The following SPON1 variants were observed in gnomAD, a reference collection of about 807,000 sequenced individuals.
SPON1 encodes spondin-1.
A neutral mutation model predicts 111.7 loss-of-function variants in SPON1; 52 were observed. The ratio of observed to expected loss-of-function variants is 0.47; its 90% CI spans 0.37 to 0.59. SPON1 has a LOEUF of 0.59. Ranked by LOEUF, SPON1 falls within the 20% of genes least tolerant of loss-of-function variation. SPON1 has a pLI of 0.00. For missense variants in SPON1, 957 were observed against 1,068.5 expected, an observed-to-expected ratio of 0.90 and a Z score of 1.46; for synonymous variants, 410 against 395.8, an observed-to-expected ratio of 1.04 and a Z score of -0.43.
chr11:13,986,140 A>T (rs1350850867), intron 2 of SPON1, among the ~76,000 whole-genome samples: 1 of 152,218 alleles, frequency 6.6e-6, no homozygotes, highest in Non-Finnish European at 1.5e-5. Context: ...GATAGTCCTC[A>T]TGAAGCCTAA....
At chr11:14,006,226 T>C (rs1848359444) in intron 2 of SPON1, among the ~76,000 whole-genome samples, 1 of 152,188 alleles carries the variant, frequency 6.6e-6, no homozygotes, top group African/African-American at 2.4e-5. Context: ...GTCATCTAAA[T>C]GCCCTTCCAC....
chr11:14,010,802 AACCAC>A (rs1277306276), intron 2 of SPON1, among the ~76,000 whole-genome samples: 4 of 152,236 alleles, frequency 2.6e-5, no homozygotes, highest in Non-Finnish European at 4.4e-5. Flanking sequence ...CTTTCCACCA[AACCAC>A]ACTATTTCAC....
intron 2 of SPON1, among the ~76,000 whole-genome samples, chr11:14,006,842 A>G (rs1848365701): frequency 6.6e-6 from 1 of 152,214 alleles, no homozygotes; most frequent in Non-Finnish European, 1.5e-5. Context: ...GCCAGTTCAC[A>G]TCATGCTAAT....
At chr11:14,018,904 C>T (rs1443129452) in intron 2 of SPON1, among the ~76,000 whole-genome samples, 4 of 152,118 alleles carry the variant, frequency 2.6e-5, no homozygotes, top group African/African-American at 9.7e-5. Context: ...GTAATAGCAG[C>T]CAGCACTTGT....
chr11:13,996,992 G>A (rs368446664), intron 2 of SPON1, among the ~76,000 whole-genome samples: 126 of 152,156 alleles, frequency 8.3e-4, no homozygotes, highest in African/African-American at 2.6e-3. Flanking sequence ...AGTGAACACC[G>A]TAACACATAA....
chr11:14,067,884 A>G (rs2697825), intron 3 of SPON1, among the ~76,000 whole-genome samples: 30,352 of 152,064 alleles, frequency 0.2, 3,198 homozygotes, highest in Middle Eastern at 0.31. Flanking sequence ...TTCTGATTCA[A>G]CAGATTACGT....
chr11:14,064,711 G>C (rs1554920209), intron 3 of SPON1, among the ~76,000 whole-genome samples: 1 of 152,150 alleles, frequency 6.6e-6, no homozygotes, highest in Non-Finnish European at 1.5e-5. Context: ...AACAATGTGT[G>C]AAAGAAAGTG....
At chr11:14,151,738 G>A (rs1847790466) in intron 6 of SPON1, among the ~76,000 whole-genome samples, 1 of 152,178 alleles carries the variant, frequency 6.6e-6, no homozygotes, top group Non-Finnish European at 1.5e-5. Context: ...CTATAATCAT[G>A]TAAACATAGC....
rs1255912127 is a variant in SPON1, at chr11:14,121,321, T to C, written c.677-14099T>C. Among the ~76,000 whole-genome samples, 3 of 152,228 alleles carry C rather than the reference T, an allele frequency of 2.0e-5. No homozygotes were observed. The South Asian group carries it at 6.2e-4, about 31-fold the overall frequency. On this transcript the variant is annotated intron_variant, in intron 5 of 15. Coordinates refer to ENST00000576479, the MANE Select transcript of SPON1 (RefSeq NM_006108.4). The stretch of plus-strand genomic sequence containing the variant: ...ACTGAATTCAAAGCATACTTTTATT[T>C]TTAAATGGAAAATAAAGAAGATAGA...
At chr11:13,991,918 T>C (rs1459485288) in intron 2 of SPON1, among the ~76,000 whole-genome samples, 1 of 152,166 alleles carries the variant, frequency 6.6e-6, no homozygotes, top group African/African-American at 2.4e-5. Flanking sequence ...TGTTGCCTGA[T>C]CTTTCCTCTG....
intron 2 of SPON1, among the ~76,000 whole-genome samples, chr11:13,998,208 CAG>C (rs1848288693): frequency 6.6e-6 from 1 of 152,148 alleles, no homozygotes; most frequent in Non-Finnish European, 1.5e-5. Flanking sequence ...CTGAGGGAAT[CAG>C]AGCATTGATC....
At chr11:14,036,105 A>G (rs1331461186) in intron 2 of SPON1, among the ~76,000 whole-genome samples, 2 of 152,208 alleles carry the variant, frequency 1.3e-5, no homozygotes, top group Non-Finnish European at 2.9e-5. Flanking sequence ...GTGAGGCTAG[A>G]GGCAGGGAGG....
intron 2 of SPON1, among the ~76,000 whole-genome samples, chr11:14,039,361 G>A (rs950924285): frequency 2.0e-5 from 3 of 152,134 alleles, no homozygotes; most frequent in African/African-American, 7.2e-5. Context: ...GTTAATATAG[G>A]CTCATTGATT....
intron 6 of SPON1, among the ~76,000 whole-genome samples, chr11:14,205,024 G>C (rs572248142): frequency 6.6e-6 from 1 of 152,128 alleles, no homozygotes; most frequent in Non-Finnish European, 1.5e-5. Context: ...CCTCTTAGAC[G>C]TTCCCCAGCA....
chr11:14,235,678 C>CAAAA lies in SPON1; in HGVS notation c.826-7628_826-7625dup, dbSNP rs56925967. Among the ~76,000 whole-genome samples, 8 of 71,388 alleles carry CAAAA rather than the reference C, an allele frequency of 1.1e-4. 1 individual carries two copies. Among genetic ancestry groups the CAAAA allele is most frequent in the Non-Finnish European group, 1.5e-4 (6 of 39,702 alleles). The allele number at this position is 71,388 out of a possible 152,430, so 46.8% of individuals were successfully genotyped here. A position where few individuals can be genotyped will look rare whatever the true frequency, so the allele number is the denominator to read the frequency against. On this transcript the variant is annotated intron_variant, in intron 6 of 15. Transcript: ENST00000576479. ...TAGGCAACAGAGAAAGACCCTGCCT[C>CAAAA]AAAAAAAAAAAAAAAAAAAAAAAAA... is the stretch of plus-strand genomic sequence containing the variant.
chr11:14,190,471 CCTT>C (rs1488963948), intron 6 of SPON1, among the ~76,000 whole-genome samples: 1 of 151,448 alleles, frequency 6.6e-6, no homozygotes, highest in Admixed American at 6.6e-5. Context: ...CTTCTTTCCT[CCTT>C]CTTCCTTCCT....
At chr11:14,146,598 A>T (rs980680697) in intron 6 of SPON1, among the ~76,000 whole-genome samples, 37 of 152,254 alleles carry the variant, frequency 2.4e-4, no homozygotes, top group African/African-American at 8.7e-4. Flanking sequence ...TTTAAAAATT[A>T]TACAGGCTGA....
At chr11:14,174,442 CA>C (rs1848150069) in intron 6 of SPON1, among the ~76,000 whole-genome samples, 1 of 152,166 alleles carries the variant, frequency 6.6e-6, no homozygotes, top group Non-Finnish European at 1.5e-5. Flanking sequence ...CCCCAAAACT[CA>C]AAACCTTCAG....
chr11:14,057,278 G>A (rs1554919265), intron 3 of SPON1, among the ~76,000 whole-genome samples: 1 of 152,206 alleles, frequency 6.6e-6, no homozygotes, highest in Non-Finnish European at 1.5e-5. Context: ...TGATATTCCT[G>A]CTAGAGATGC....
Sources: gnomAD v4.1 joint callset for allele counts (sites outside exome capture counted in the v4.1 genomes callset) on GRCh38, gnomAD v4.1.1 for gene constraint, MANE v1.5 for transcripts, NCBI Gene and HGNC (gene_info 2026-07-23, HGNC 2026-07-21) for gene names.